PIK3AP1: variants seen among roughly 807,000 people sequenced by gnomAD.
PIK3AP1 encodes phosphoinositide-3-kinase adaptor protein 1, also known as phosphoinositide 3-kinase adapter protein 1.
In PIK3AP1, 21 loss-of-function variants were observed where a neutral mutation model predicts 88.1. That is an observed-to-expected ratio of 0.24 (90% CI 0.17 to 0.34). The LOEUF is 0.34. Ranked by LOEUF, PIK3AP1 falls within the 10% of genes least tolerant of loss-of-function variation. The pLI, the probability that PIK3AP1 is intolerant of heterozygous loss-of-function variation, is 1.00. For synonymous variants in PIK3AP1, 398 were observed against 400.0 expected (o/e 1.00, Z 0.06); for missense variants, 828 against 1,035.7 (o/e 0.80, Z 2.75).
intron 16 of PIK3AP1, among the ~76,000 whole-genome samples, chr10:96,599,004 C>T (rs1589476403): frequency 6.6e-6 from 1 of 152,182 alleles, no homozygotes; most frequent in East Asian, 1.9e-4. Flanking sequence ...ATCAGCTATT[C>T]CTGTTCTAGA....
chr10:96,628,258 G>C, intron 9 of PIK3AP1, 140 bp downstream of exon 9: 8 of 762,074 alleles, frequency 1.0e-5, no homozygotes, highest in Non-Finnish European at 1.4e-5. Flanking sequence ...GGGGGAGGCA[G>C]AGTGCCTTTA....
intron 2 of PIK3AP1, among the ~76,000 whole-genome samples, chr10:96,657,540 T>A (rs948206354): frequency 5.9e-5 from 9 of 152,014 alleles, no homozygotes; most frequent in Non-Finnish European, 1.5e-5. Flanking sequence ...GGTGTGCAAA[T>A]GTGTGTGGTA....
At chr10:96,613,814 C>G (rs1849167038) in intron 13 of PIK3AP1, among the ~76,000 whole-genome samples, 1 of 152,146 alleles carries the variant, frequency 6.6e-6, no homozygotes, top group Non-Finnish European at 1.5e-5. Context: ...TGGGTGTGGA[C>G]ACTTTTAGGA....
chr10:96,674,272 T>G (rs904525499), intron 2 of PIK3AP1, among the ~76,000 whole-genome samples: 1 of 152,206 alleles, frequency 6.6e-6, no homozygotes, highest in African/African-American at 2.4e-5. Flanking sequence ...TACTAACAGA[T>G]TCTGGAAAAG....
chr10:96,625,089 A>G (rs1564959675), intron 10 of PIK3AP1, among the ~76,000 whole-genome samples: 1 of 152,190 alleles, frequency 6.6e-6, no homozygotes, highest in Non-Finnish European at 1.5e-5. Context: ...AGCAAGTTAC[A>G]CTGCGGGCAA....
At chr10:96,640,349 C>T (rs1843367549) in intron 8 of PIK3AP1, among the ~76,000 whole-genome samples, 2 of 91,148 alleles carry the variant, frequency 2.2e-5, no homozygotes, top group African/African-American at 7.0e-5. Context: ...ACAGACTGGA[C>T]AAGGGCCTCC....
intron 14 of PIK3AP1, among the ~76,000 whole-genome samples, chr10:96,607,288 C>T (rs1406877970): frequency 1.3e-5 from 2 of 152,160 alleles, no homozygotes; most frequent in African/African-American, 2.4e-5. Context: ...TTCCAGACCC[C>T]CTGCTTGCTT....
chr10:96,700,881 C>G, intron 2 of PIK3AP1: 1 of 985,664 alleles, frequency 1.0e-6, no homozygotes, highest in Non-Finnish European at 1.2e-6. Flanking sequence ...TCTCTTCTCT[C>G]AGGGCTGCTG....
At chr10:96,665,665 CGTTATAAAGGGGGTCCTGCCACA>C (rs1843751199) in intron 2 of PIK3AP1, among the ~76,000 whole-genome samples, 1 of 152,088 alleles carries the variant, frequency 6.6e-6, no homozygotes, top group Non-Finnish European at 1.5e-5. Flanking sequence ...TGAATGACCA[CGTTATAAAGGGGGTCCTGCCACA>C]GGAGTCTGAG....
Position 96,623,467 on chromosome 10 carries a change from C to A in PIK3AP1, c.1735+5G>T. 1 of 1,608,558 alleles carries A rather than the reference C, an allele frequency of 6.2e-7. No individual in the cohort carries two copies. The highest frequency in any genetic ancestry group is 8.5e-7 in the Non-Finnish European group (1 of 1,175,350). ...AAAGTTCAGTTCATATAACACATGG[C>A]TTACCTTTCCTGATGCTCTCTGAGG... On this transcript the variant is annotated splice_donor_5th_base_variant and intron_variant, in intron 11 of 16. Transcript: ENST00000339364.
chr10:96,607,749 T>C (rs1468644045), intron 14 of PIK3AP1, among the ~76,000 whole-genome samples: 1 of 152,188 alleles, frequency 6.6e-6, no homozygotes, highest in Non-Finnish European at 1.5e-5. Context: ...GAGGTTTCCT[T>C]GGATGTTCCA....
At chr10:96,713,393 A>G (rs997354356) in intron 1 of PIK3AP1, among the ~76,000 whole-genome samples, 2 of 151,262 alleles carry the variant, frequency 1.3e-5, no homozygotes, top group African/African-American at 4.9e-5. Context: ...AGTCCCAGCT[A>G]CTCAGGAGGC....
At chr10:96,622,833 C>T (rs745851560) in intron 11 of PIK3AP1, among the ~76,000 whole-genome samples, 3 of 152,110 alleles carry the variant, frequency 2.0e-5, no homozygotes, top group Non-Finnish European at 4.4e-5. Flanking sequence ...TCCTTTAAAA[C>T]TGTTTAGAAA....
At chr10:96,675,098 G>T (rs1237350708) in intron 2 of PIK3AP1, among the ~76,000 whole-genome samples, 2 of 152,110 alleles carry the variant, frequency 1.3e-5, no homozygotes, top group Non-Finnish European at 2.9e-5. Context: ...TCACCATGTT[G>T]ACCAGGCTGG....
chr10:96,661,443 G>T (rs1302358109), intron 2 of PIK3AP1, among the ~76,000 whole-genome samples: 3 of 152,150 alleles, frequency 2.0e-5, no homozygotes, highest in Non-Finnish European at 4.4e-5. Flanking sequence ...CTGGCCTTCG[G>T]GTGAGTGATA....
intron 1 of PIK3AP1, among the ~76,000 whole-genome samples, chr10:96,716,015 T>G (rs1356558822): frequency 6.6e-6 from 1 of 152,074 alleles, no homozygotes; most frequent in African/African-American, 2.4e-5. Flanking sequence ...GAACAGTGGC[T>G]CACATCTGTA....
At chr10:96,638,243 T>G (rs1403875787) in intron 8 of PIK3AP1, among the ~76,000 whole-genome samples, 1 of 152,150 alleles carries the variant, frequency 6.6e-6, no homozygotes, top group South Asian at 2.1e-4. Flanking sequence ...AGTAGCTTTG[T>G]TGTAATAGCA....
intron 3 of PIK3AP1, among the ~76,000 whole-genome samples, chr10:96,655,189 C>CAA (rs1342652335): frequency 1.3e-5 from 2 of 152,176 alleles, no homozygotes; most frequent in African/African-American, 4.8e-5. Flanking sequence ...TGTGCCCAGC[C>CAA]AATGCCTAAC....
chr10:96,720,282 G>A lies in PIK3AP1; in HGVS notation c.13+100C>T. On this transcript the variant is annotated intron_variant, in intron 1 of 16. Transcript: ENST00000339364. The surrounding 1 kb of genome is among the most constrained non-coding windows in gnomAD (Gnocchi z 4.6). ...AGAAAGAGGGCAAGATCCCCGCACA[G>A]AGGACGCAAACAGAAGCAAGCGGGG... 8.8e-7 allele frequency: 1 copy of A among 1,137,352 alleles called. No homozygotes were observed. The highest frequency in any genetic ancestry group is 1.1e-6 in the Non-Finnish European group (1 of 894,562). The allele number at this position is 1,137,352 out of a possible 1,614,324, so 70.5% of individuals were successfully genotyped here. A position where few individuals can be genotyped will look rare whatever the true frequency, so the allele number is the denominator to read the frequency against.
Sources: gnomAD v4.1 joint callset for allele counts (sites outside exome capture counted in the v4.1 genomes callset) on GRCh38, gnomAD v4.1.1 for gene constraint, Gnocchi (gnomAD v3.1) non-coding constraint, MANE v1.5 for transcripts, NCBI Gene and HGNC (gene_info 2026-07-23, HGNC 2026-07-21) for gene names.